The following ADGRL4 variants were observed in gnomAD, a reference collection of about 807,000 sequenced individuals.
ADGRL4 encodes EGF, latrophilin and seven transmembrane domain containing 1.
A neutral mutation model predicts 74.8 loss-of-function variants in ADGRL4; 90 were observed. The observed-to-expected ratio is 1.20, with a 90% CI of 1.02 to 1.43. The LOEUF is 1.43. Ranked by LOEUF, ADGRL4 falls within the 40% of genes most tolerant of loss-of-function variation. The pLI is 0.00. For synonymous variants in ADGRL4, 311 were observed against 279.2 expected (o/e 1.11, Z -1.14); for missense variants, 881 against 814.3 (o/e 1.08, Z -1.00).
In ADGRL4 at chr1:78,920,269, T is replaced by C. The variant is rs751141339; in HGVS notation, c.1375A>G (p.Arg459Gly). 2.5e-6 allele frequency: 4 copies of C among 1,612,162 alleles called. No individual in the cohort carries two copies. The South Asian group carries it at 4.4e-5, about 18-fold the overall frequency. The change falls in exon 10 of 15, where the codon AGG becomes GGG. Residue 459 changes from arginine (R) to glycine (G), a missense_variant. By Grantham distance (125) the Arg-to-Gly change is moderately radical. Coordinates refer to ENST00000370742, the MANE Select transcript of ADGRL4 (RefSeq NM_022159.4). ...CAAAGATTTTTGTGAATTGTTGTCC[T>C]GGTGCTTTGAATTTCACTGAAGAAC... The part of the protein sequence containing the change: ...FWFFSEIQST[R>G]TTIHKNLCCS...
At chr1:78,927,502 A>G (rs1205550502) in intron 7 of ADGRL4, among the ~76,000 whole-genome samples, 1 of 152,136 alleles carries the variant, frequency 6.6e-6, no homozygotes, top group Non-Finnish European at 1.5e-5. Flanking sequence ...AGGCTGATAG[A>G]ATCAAGAAAA....
At chr1:78,891,741 C>A (rs1479559585) in intron 13 of ADGRL4, 49 bp from the exon 14 acceptor site, 1 of 1,499,300 alleles carries the variant, frequency 6.7e-7, no homozygotes, top group Non-Finnish European at 9.0e-7. Flanking sequence ...GTATAGTCAA[C>A]ATATCTCCCA....
rs564444334 is a variant in ADGRL4 at position 78,927,035 on chromosome 1, A to G, written c.934T>C (p.Ser312Pro). 1 of 1,609,576 alleles carries G rather than the reference A, an allele frequency of 6.2e-7. No individual in the cohort carries two copies. The highest frequency in any genetic ancestry group is 2.2e-5 in the East Asian group (1 of 44,682). The change falls in exon 8 of 15, where the codon TCT becomes CCT. Residue 312 changes from serine (S) to proline (P), a missense_variant. Transcript: ENST00000370742. ...TGAGGTTTCAATAAGAAGTTGTCAG[A>G]TGATGAAAGCAAAGGACCAATACTC... ...YKSIGPLLSS[S>P]DNFLLKPQNY...
chr1:78,957,953 T>C (rs867281301), intron 2 of ADGRL4, among the ~76,000 whole-genome samples: 1 of 152,222 alleles, frequency 6.6e-6, no homozygotes. Flanking sequence ...AGTGCTCATT[T>C]ACCATTCCAA....
At chr1:78,903,974 TA>T (rs1450082536) in intron 12 of ADGRL4, among the ~76,000 whole-genome samples, 64 of 96,522 alleles carry the variant, frequency 6.6e-4, no homozygotes, top group African/African-American at 2.0e-3. Context: ...AATAAATAAA[TA>T]AATAATAATA....
intron 12 of ADGRL4, among the ~76,000 whole-genome samples, chr1:78,916,937 T>C (rs1648884503): frequency 6.6e-6 from 1 of 151,856 alleles, no homozygotes; most frequent in South Asian, 2.1e-4. Context: ...CAAAAATGTC[T>C]TTATTTAGAA....
intron 2 of ADGRL4, among the ~76,000 whole-genome samples, chr1:78,980,217 G>A (rs1251240097): frequency 6.6e-6 from 1 of 151,472 alleles, no homozygotes; most frequent in African/African-American, 2.4e-5. Flanking sequence ...AGTTTGGGTG[G>A]TATTCCCTAT....
At chr1:78,981,773 G>T (rs1429169372) in intron 2 of ADGRL4, among the ~76,000 whole-genome samples, 2 of 151,634 alleles carry the variant, frequency 1.3e-5, no homozygotes, top group Non-Finnish European at 2.9e-5. Flanking sequence ...TATCTGTCTT[G>T]TGTTATGAAT....
chr1:78,924,570 A>C, intron 8 of ADGRL4, among the ~76,000 whole-genome samples: 1 of 152,204 alleles, frequency 6.6e-6, no homozygotes, highest in African/African-American at 2.4e-5. Context: ...AGCCTTGGAA[A>C]GGATGTCTCC....
intron 12 of ADGRL4, among the ~76,000 whole-genome samples, chr1:78,900,799 A>G (rs1401290973): frequency 6.6e-6 from 1 of 152,242 alleles, no homozygotes; most frequent in African/African-American, 2.4e-5. Context: ...TCTTCTCTTC[A>G]TAAATTACCC....
chr1:78,946,494 G>A, intron 2 of ADGRL4, 68 bp from the exon 3 acceptor site: 2 of 1,351,952 alleles, frequency 1.5e-6, no homozygotes, highest in Non-Finnish European at 2.0e-6. Context: ...TTTTCCATCA[G>A]TATTTTGGAA....
At chr1:78,951,517 T>C (rs183053958) in intron 2 of ADGRL4, among the ~76,000 whole-genome samples, 2 of 152,332 alleles carry the variant, frequency 1.3e-5, no homozygotes, top group African/African-American at 4.8e-5. Flanking sequence ...CTGTTGTTGA[T>C]GGTTATCTAC....
rs201049265 is a variant in ADGRL4, at chr1:79,001,422, A to AAAAGAAAGAAAG, written c.172+3636_172+3647dup. Reference sequence around the variant, plus strand: ...AATATTTTTAAAATGCTTAAGACAAAAAAGAAAGAAAGAAAGAAAGAAAGA... The same window carrying AAAAGAAAGAAAG: ...AATATTTTTAAAATGCTTAAGACAAAAAAGAAAGAAAGAAAGAAAGAAAGAAAGAAAGAAAGA... On this transcript the variant is annotated intron_variant, in intron 2 of 14. Coordinates refer to ENST00000370742, the MANE Select transcript of ADGRL4 (RefSeq NM_022159.4). Among the ~76,000 whole-genome samples, 1,347 of 151,880 alleles carry AAAAGAAAGAAAG rather than the reference A, an allele frequency of 8.9e-3. 22 individuals carry two copies. The highest frequency in any genetic ancestry group is 0.029 in the African/African-American group (1,210 of 41,442).
chr1:78,941,556 TCC>T (rs887358146), intron 3 of ADGRL4, among the ~76,000 whole-genome samples: 1 of 150,272 alleles, frequency 6.7e-6, no homozygotes, highest in Non-Finnish European at 1.5e-5. Flanking sequence ...TCAATTTCAA[TCC>T]CCCCTTTTTT....
At chr1:79,006,330 T>A (rs146215692) in intron 1 of ADGRL4, among the ~76,000 whole-genome samples, 150 of 152,228 alleles carry the variant, frequency 9.9e-4, no homozygotes, top group African/African-American at 3.5e-3. Flanking sequence ...AGGAAACCTC[T>A]CATGGGTGTT....
At chr1:78,979,324 C>T (rs779102261) in intron 2 of ADGRL4, among the ~76,000 whole-genome samples, 1 of 151,924 alleles carries the variant, frequency 6.6e-6, no homozygotes, top group Non-Finnish European at 1.5e-5. Flanking sequence ...GAAATCCCTT[C>T]CTGATTCAGC....
chr1:78,957,400 A>T (rs777260689), intron 2 of ADGRL4, among the ~76,000 whole-genome samples: 1 of 152,228 alleles, frequency 6.6e-6, no homozygotes, highest in South Asian at 2.1e-4. Context: ...GTGAATGCAG[A>T]GGAAAAGCTC....
intron 2 of ADGRL4, among the ~76,000 whole-genome samples, chr1:78,956,075 T>C (rs942397986): frequency 6.6e-6 from 1 of 152,184 alleles, no homozygotes; most frequent in Non-Finnish European, 1.5e-5. Flanking sequence ...CCTTCCATAA[T>C]TTGTGATTAT....
chr1:78,978,928 C>T (rs920257221), intron 2 of ADGRL4, among the ~76,000 whole-genome samples: 2 of 151,834 alleles, frequency 1.3e-5, no homozygotes, highest in African/African-American at 4.8e-5. Context: ...TGGTATTTCA[C>T]ATTTTAATAT....
Sources: allele counts gnomAD v4.1 joint callset (sites outside exome capture counted in the v4.1 genomes callset), GRCh38; gene constraint gnomAD v4.1.1; transcripts MANE v1.5; gene names NCBI Gene and HGNC (gene_info 2026-07-23, HGNC 2026-07-21).